Variants in STK32B observed in about 807,000 individuals in gnomAD.
The protein encoded by STK32B is serine/threonine kinase 32B, also known as serine/threonine-protein kinase 32B.
STK32B carries 43 observed loss-of-function variants against 52.6 expected under a neutral mutation model. The ratio of observed to expected loss-of-function variants is 0.82; its 90% CI spans 0.64 to 1.05. The LOEUF (loss-of-function observed/expected upper bound fraction) is 1.05, where lower values mean the gene tolerates loss of function less well. Among genes scored for constraint, STK32B ranks in the 50% least tolerant of loss-of-function variants. The pLI is 0.00. For synonymous variants in STK32B, 238 were observed against 204.3 expected (o/e 1.17, Z -1.41); for missense variants, 621 against 534.6 (o/e 1.16, Z -1.59).
At chr4:5,020,099 A>C in the STK32B span, among the ~76,000 whole-genome samples, 2 of 152,112 alleles carry the variant, frequency 1.3e-5, no homozygotes, top group Non-Finnish European at 2.9e-5. Flanking sequence ...GGGGAGTGTG[A>C]GTACCCCCAC....
At chr4:5,158,685 C>T (rs1431255173) in intron 2 of STK32B, among the ~76,000 whole-genome samples, 2 of 152,048 alleles carry the variant, frequency 1.3e-5, no homozygotes, top group Non-Finnish European at 2.9e-5. Flanking sequence ...AAGGAATTGG[C>T]GGGGTTGGAT....
intron 3 of STK32B, among the ~76,000 whole-genome samples, chr4:5,267,232 C>T (rs1727110694): frequency 6.6e-6 from 1 of 152,128 alleles, no homozygotes; most frequent in Non-Finnish European, 1.5e-5. Context: ...AAAGAACTGT[C>T]CAGTGTCCAT....
chr4:5,140,390 C>A, intron 2 of STK32B: 1 of 959,868 alleles, frequency 1.0e-6, no homozygotes. Context: ...TTTTAGAAAA[C>A]AAAAATACTC....
At chr4:5,434,205 G>C (rs1713837571) in intron 6 of STK32B, among the ~76,000 whole-genome samples, 1 of 152,184 alleles carries the variant, frequency 6.6e-6, no homozygotes, top group Non-Finnish European at 1.5e-5. Context: ...GGGCAAGAAA[G>C]CAGGCACTGT....
rs572259384 is a variant in STK32B at position 5,105,656 on chromosome 4, C to T, written c.53-34249C>T. 3.9e-5 allele frequency among the ~76,000 whole-genome samples: 6 copies of T among 152,058 alleles called. No homozygotes were observed. The East Asian group carries it at 7.8e-4, about 20-fold the overall frequency. Reference sequence around the variant, plus strand: ...TTGGCTCACTGCAAGCTCCGCCTCCCGGGTTCACGCCATTCTCCTGCCTCA... The same window carrying T: ...TTGGCTCACTGCAAGCTCCGCCTCCTGGGTTCACGCCATTCTCCTGCCTCA... On this transcript the variant is annotated intron_variant, in intron 1 of 11. Coordinates refer to ENST00000282908, the MANE Select transcript of STK32B (RefSeq NM_018401.3).
At chr4:5,428,388 A>T (rs528290138) in intron 6 of STK32B, among the ~76,000 whole-genome samples, 1 of 152,294 alleles carries the variant, frequency 6.6e-6, no homozygotes, top group South Asian at 2.1e-4. Flanking sequence ...AGCCTGGGCA[A>T]CAAAGTGAGA....
intron 4 of STK32B, among the ~76,000 whole-genome samples, chr4:5,371,689 A>G (rs532078223): frequency 6.6e-6 from 1 of 152,320 alleles, no homozygotes; most frequent in South Asian, 2.1e-4. Flanking sequence ...AGGCTTGCAT[A>G]CCACAGGGTC....
intron 3 of STK32B, among the ~76,000 whole-genome samples, chr4:5,224,863 C>T (rs936621774): frequency 6.6e-6 from 1 of 152,034 alleles, no homozygotes; most frequent in Non-Finnish European, 1.5e-5. Context: ...GGATTAAATA[C>T]AATGAGGCTT....
At chr4:5,381,024 A>G (rs1735902592) in intron 4 of STK32B, among the ~76,000 whole-genome samples, 1 of 152,084 alleles carries the variant, frequency 6.6e-6, no homozygotes, top group African/African-American at 2.4e-5. Flanking sequence ...CACGCTGATC[A>G]TTTGTTTTCC....
At chr4:5,383,210 C>G (rs975509827) in intron 4 of STK32B, among the ~76,000 whole-genome samples, 1 of 151,992 alleles carries the variant, frequency 6.6e-6, no homozygotes, top group Non-Finnish European at 1.5e-5. Context: ...TGATCTGTGC[C>G]CACCGCGCCA....
At chr4:5,094,579 C>T (rs34076893) in intron 1 of STK32B, among the ~76,000 whole-genome samples, 37,574 of 151,972 alleles carry the variant, frequency 0.25, 5,545 homozygotes, top group Non-Finnish European at 0.34. Context: ...CACTTGAGCC[C>T]GGGAGTTCAA....
At chr4:5,425,573 C>T (rs1015521518) in intron 6 of STK32B, among the ~76,000 whole-genome samples, 17 of 150,332 alleles carry the variant, frequency 1.1e-4, no homozygotes, top group African/African-American at 4.0e-4. Context: ...TTCCTACCCT[C>T]ATTGGTTTGG....
rs567316570 is a variant in STK32B at position 5,236,187 on chromosome 4, C to G, written c.260+67737C>G. Among the ~76,000 whole-genome samples the G allele has an allele frequency of 2.1e-3, 327 of 152,256 alleles. 1 individual carries two copies. Among genetic ancestry groups the G allele is most frequent in the African/African-American group, 7.5e-3 (312 of 41,554 alleles). On this transcript the variant is annotated intron_variant, in intron 3 of 11. Transcript: ENST00000282908. Reference sequence around the variant, plus strand: ...CAAAAAGCTCACCCTACACTGAGCTCCATGTGTCTCCCAGTCACTCTCACC... The same window carrying G: ...CAAAAAGCTCACCCTACACTGAGCTGCATGTGTCTCCCAGTCACTCTCACC...
At chr4:5,095,465 A>G (rs1011550168) in intron 1 of STK32B, among the ~76,000 whole-genome samples, 6 of 152,066 alleles carry the variant, frequency 3.9e-5, no homozygotes, top group African/African-American at 1.4e-4. Context: ...AACTATAAAA[A>G]CTAGCCAGGC....
chr4:5,152,934 C>G (rs1055338795), intron 2 of STK32B, among the ~76,000 whole-genome samples: 1 of 152,220 alleles, frequency 6.6e-6, no homozygotes, highest in Non-Finnish European at 1.5e-5. Context: ...CCTGACTAAT[C>G]AGAAACTAAC....
At chr4:5,057,065 A>G (rs1178861900) in intron 1 of STK32B, among the ~76,000 whole-genome samples, 2 of 152,170 alleles carry the variant, frequency 1.3e-5, no homozygotes, top group Non-Finnish European at 2.9e-5. Flanking sequence ...GTTGTTTTCC[A>G]CCTTTGTGTC....
intron 1 of STK32B, among the ~76,000 whole-genome samples, chr4:5,101,629 A>T (rs1560152002): frequency 6.6e-6 from 1 of 152,124 alleles, no homozygotes; most frequent in Non-Finnish European, 1.5e-5. Flanking sequence ...GGCTATAATG[A>T]CTTAGGCTTC....
intron 4 of STK32B, among the ~76,000 whole-genome samples, chr4:5,337,045 C>A (rs549231630): frequency 2.0e-5 from 3 of 152,242 alleles, no homozygotes; most frequent in South Asian, 4.1e-4. Context: ...CTGGTACGAT[C>A]ATGGCTCACT....
intron 3 of STK32B, among the ~76,000 whole-genome samples, chr4:5,288,367 G>A (rs927206700): frequency 1.3e-5 from 2 of 152,146 alleles, no homozygotes; most frequent in African/African-American, 2.4e-5. Context: ...CATCAGCGAT[G>A]CATGGAGGTT....
Sources: gnomAD v4.1 joint callset for allele counts (sites outside exome capture counted in the v4.1 genomes callset) on GRCh38, gnomAD v4.1.1 for gene constraint, MANE v1.5 for transcripts, NCBI Gene and HGNC (gene_info 2026-07-23, HGNC 2026-07-21) for gene names.